PTPRQ: variants seen among roughly 807,000 people sequenced by gnomAD.
The protein encoded by PTPRQ is protein tyrosine phosphatase receptor type Q, also known as phosphatidylinositol phosphatase PTPRQ.
A neutral mutation model predicts 246.0 loss-of-function variants in PTPRQ; 199 were observed. The observed-to-expected ratio is 0.81, with a 90% CI of 0.72 to 0.91. The LOEUF is 0.91. Among genes scored for constraint, PTPRQ ranks in the 40% least tolerant of loss-of-function variants. PTPRQ has a pLI of 0.00. For synonymous variants in PTPRQ, 869 were observed against 853.2 expected, an observed-to-expected ratio of 1.02 and a Z score of -0.32; for missense variants, 2,624 against 2,528.4, an observed-to-expected ratio of 1.04 and a Z score of -0.81.
chr12:80,607,291 G>T (rs1368539569), intron 27 of PTPRQ, among the ~76,000 whole-genome samples: 6 of 150,900 alleles, frequency 4.0e-5, no homozygotes, highest in Admixed American at 6.6e-5. Context: ...GAAAGGGAAG[G>T]TCATTAAATA....
intron 15 of PTPRQ, 25 bp from the exon 16 acceptor site, chr12:80,506,544 A>G: frequency 6.8e-7 from 1 of 1,467,142 alleles, no homozygotes. Flanking sequence ...GTAAGTTTCA[A>G]CTTACCTATT....
At chr12:80,578,548 G>C (rs1262978690) in intron 25 of PTPRQ, among the ~76,000 whole-genome samples, 2 of 151,730 alleles carry the variant, frequency 1.3e-5, no homozygotes, top group Admixed American at 6.6e-5. Flanking sequence ...CTGCCACTAC[G>C]CCCGGCTAAT....
chr12:80,612,288 A>G (rs950868795), intron 28 of PTPRQ, among the ~76,000 whole-genome samples: 1 of 150,360 alleles, frequency 6.7e-6, no homozygotes, highest in African/African-American at 2.4e-5. Context: ...TATTTATACT[A>G]TATAAAGAAC....
chr12:80,528,932 A>G (rs1895767677), intron 17 of PTPRQ, among the ~76,000 whole-genome samples: 5 of 152,192 alleles, frequency 3.3e-5, no homozygotes, highest in Non-Finnish European at 7.3e-5. Context: ...GCAAACAAGC[A>G]AAACAAAGCC....
chr12:80,542,047 A>G (rs1321335873), intron 21 of PTPRQ, 42 bp from the exon 22 acceptor site: 9 of 1,514,174 alleles, frequency 5.9e-6, no homozygotes, highest in Non-Finnish European at 7.9e-6. Flanking sequence ...TTTAATGCTG[A>G]TTCACTTTTG....
intron 26 of PTPRQ, among the ~76,000 whole-genome samples, chr12:80,595,376 T>C (rs1361610362): frequency 1.3e-5 from 2 of 152,152 alleles, no homozygotes; most frequent in Non-Finnish European, 2.9e-5. Context: ...TTGACTTTAA[T>C]GTTAAAGTGT....
chr12:80,597,348 T>C (rs1427483484), intron 26 of PTPRQ, among the ~76,000 whole-genome samples: 7 of 152,022 alleles, frequency 4.6e-5, no homozygotes, highest in African/African-American at 1.7e-4. Context: ...AGCTTCATGG[T>C]AGCATGAAAA....
At chr12:80,615,966 G>C (rs1592720234) in intron 29 of PTPRQ, among the ~76,000 whole-genome samples, 1 of 150,870 alleles carries the variant, frequency 6.6e-6, no homozygotes, top group South Asian at 2.1e-4. Flanking sequence ...ATACTTCATT[G>C]TTAATGTTCT....
At position 80,549,685 on chromosome 12, in the gene PTPRQ, T is replaced by C; in HGVS notation, c.4236T>C (p.Ala1412=). ...TTAAAGTAAGAGCTTCAACCTCAGC[T>C]GGTGAAGGTGATGAAAGCACATGCC... ...YVFKVRASTS[A]GEGDESTCHV... Residue 1412 remains alanine (A), a synonymous_variant, in exon 25 of 45, where the codon GCT becomes GCC. Transcript: ENST00000644991. 1 of 1,551,038 alleles carries C rather than the reference T, an allele frequency of 6.4e-7. No individual in the cohort carries two copies. Among genetic ancestry groups the C allele is most frequent in the East Asian group, 2.4e-5 (1 of 40,916 alleles).
chr12:80,517,862 T>A (rs1389893980), intron 17 of PTPRQ, among the ~76,000 whole-genome samples: 1 of 152,194 alleles, frequency 6.6e-6, no homozygotes, highest in African/African-American at 2.4e-5. Context: ...ATGTACCACA[T>A]TTTCTTTATC....
chr12:80,551,519 A>G (rs943823786), intron 25 of PTPRQ, among the ~76,000 whole-genome samples: 2 of 152,186 alleles, frequency 1.3e-5, no homozygotes, highest in African/African-American at 2.4e-5. Flanking sequence ...CTAACATACA[A>G]TTAGACCATT....
At chr12:80,479,905 C>T (rs1317055074) in intron 8 of PTPRQ, among the ~76,000 whole-genome samples, 1 of 151,362 alleles carries the variant, frequency 6.6e-6, no homozygotes, top group Non-Finnish European at 1.5e-5. Context: ...GAGACTTAGA[C>T]TCCCACACAT....
At chr12:80,673,743 C>A (rs1197403506) in intron 43 of PTPRQ, among the ~76,000 whole-genome samples, 1 of 151,988 alleles carries the variant, frequency 6.6e-6, no homozygotes, top group Non-Finnish European at 1.5e-5. Flanking sequence ...CTATTGCATA[C>A]CAGTACTAAT....
At chr12:80,542,586 T>C (rs2120842296) in intron 22 of PTPRQ, 144 bp from the exon 23 acceptor site, 1 of 1,160,560 alleles carries the variant, frequency 8.6e-7, no homozygotes, top group Middle Eastern at 2.9e-4. Flanking sequence ...CAAATTATAA[T>C]TAATTATGAT....
chr12:80,631,043 C>T (rs1003603467), intron 33 of PTPRQ, among the ~76,000 whole-genome samples: 1 of 152,078 alleles, frequency 6.6e-6, no homozygotes, highest in African/African-American at 2.4e-5. Flanking sequence ...TTTGTCACTC[C>T]TTTAACATTT....
intron 15 of PTPRQ, 149 bp downstream of exon 15, chr12:80,506,355 G>C: frequency 1.1e-6 from 1 of 937,148 alleles, no homozygotes; most frequent in Non-Finnish European, 1.5e-6. Flanking sequence ...GTTTATTGCA[G>C]GTCACATGAA....
At chr12:80,536,928 G>A (rs1896004992) in intron 19 of PTPRQ, among the ~76,000 whole-genome samples, 1 of 152,234 alleles carries the variant, frequency 6.6e-6, no homozygotes, top group Non-Finnish European at 1.5e-5. Flanking sequence ...GCTTCTATGT[G>A]ATTTATATTT....
At chr12:80,477,747 C>A (rs1486317291) in intron 8 of PTPRQ, among the ~76,000 whole-genome samples, 1 of 152,150 alleles carries the variant, frequency 6.6e-6, no homozygotes, top group Non-Finnish European at 1.5e-5. Flanking sequence ...TCCCTTTCCC[C>A]TTGTCAAAGA....
At position 80,494,951 on chromosome 12, in the gene PTPRQ, A is replaced by G. The variant is rs1257865680; in HGVS notation, c.1559A>G (p.Tyr520Cys). 1.3e-6 allele frequency: 2 copies of G among 1,549,438 alleles called. No homozygotes were observed. The highest frequency in any genetic ancestry group is 1.7e-6 in the Non-Finnish European group (2 of 1,145,708). ...CAAACAGTAACTACAAGGAATCAGT[A>G]TATTACTGACATTGCAGCTGAACAG... ...TSPVVTTRNQ[Y>C]ITDIAAEQLS... is the part of the protein sequence containing the mutation. The change falls in exon 11 of 45, where the codon TAT becomes TGT. Residue 520 changes from tyrosine to cysteine, a missense_variant. Physicochemically the swap from Tyr to Cys is radical, Grantham distance 194 (BLOSUM62 -2). Coordinates refer to ENST00000644991, the MANE Select transcript of PTPRQ (RefSeq NM_001145026.2).
Sources: gnomAD v4.1 joint callset for allele counts (sites outside exome capture counted in the v4.1 genomes callset) on GRCh38, gnomAD v4.1.1 for gene constraint, MANE v1.5 for transcripts, NCBI Gene and HGNC (gene_info 2026-07-23, HGNC 2026-07-21) for gene names.